The following NUBPL variants were observed in gnomAD, a reference collection of about 807,000 sequenced individuals.
NUBPL encodes iron-sulfur cluster transfer protein NUBPL.
NUBPL carries 31 observed loss-of-function variants against 45.7 expected under a neutral mutation model. That is an observed-to-expected ratio of 0.68 (90% CI 0.51 to 0.92). The LOEUF is 0.92. Ranked by LOEUF, NUBPL falls within the 40% of genes least tolerant of loss-of-function variation. The probability of loss-of-function intolerance (pLI) is 0.00; values close to 1 mark genes in which losing one functional copy is unlikely to be tolerated. For missense variants in NUBPL, 401 were observed against 398.7 expected, an observed-to-expected ratio of 1.01 and a Z score of -0.05; for synonymous variants, 144 against 140.9, an observed-to-expected ratio of 1.02 and a Z score of -0.15.
At chr14:31,702,216 G>A (rs761670226) in intron 6 of NUBPL, among the ~76,000 whole-genome samples, 2 of 152,208 alleles carry the variant, frequency 1.3e-5, no homozygotes, top group Admixed American at 6.5e-5. Context: ...CTCAGAATCA[G>A]TCTGTTAGTC....
intron 10 of NUBPL, among the ~76,000 whole-genome samples, chr14:31,853,856 C>T (rs1388192097): frequency 6.6e-6 from 1 of 152,108 alleles, no homozygotes; most frequent in Non-Finnish European, 1.5e-5. Context: ...CCCCTAAATT[C>T]AATAGCATCC....
intron 8 of NUBPL, among the ~76,000 whole-genome samples, chr14:31,828,310 G>A (rs150665165): frequency 3.2e-4 from 48 of 152,112 alleles, no homozygotes; most frequent in African/African-American, 1.1e-3. Context: ...CTTGTTATAG[G>A]GGATTTTAAA....
intron 6 of NUBPL, among the ~76,000 whole-genome samples, chr14:31,685,969 G>C (rs1405471978): frequency 2.0e-5 from 3 of 152,086 alleles, no homozygotes; most frequent in Non-Finnish European, 4.4e-5. Flanking sequence ...TATTCCAGGT[G>C]ACTCTAATGC....
At chr14:31,791,538 A>AT (rs1235326820) in intron 7 of NUBPL, among the ~76,000 whole-genome samples, 1 of 152,088 alleles carries the variant, frequency 6.6e-6, no homozygotes, top group Non-Finnish European at 1.5e-5. Context: ...AGAAACACTA[A>AT]TTTTGTATAT....
intron 6 of NUBPL, among the ~76,000 whole-genome samples, chr14:31,699,545 C>G (rs986131426): frequency 6.6e-6 from 1 of 152,156 alleles, no homozygotes; most frequent in Non-Finnish European, 1.5e-5. Flanking sequence ...TCTCTTGGCT[C>G]AGCTTTTAAC....
intron 4 of NUBPL, among the ~76,000 whole-genome samples, chr14:31,622,209 G>A (rs987105868): frequency 1.3e-5 from 2 of 152,194 alleles, no homozygotes; most frequent in Non-Finnish European, 2.9e-5. Context: ...TCTCTAAGCA[G>A]CAAAGCATTC....
intron 8 of NUBPL, among the ~76,000 whole-genome samples, chr14:31,829,550 T>C (rs957395693): frequency 1.3e-5 from 2 of 152,168 alleles, no homozygotes; most frequent in Non-Finnish European, 2.9e-5. Flanking sequence ...GCCAAAGTAA[T>C]AGTAAAGGAT....
chr14:31,579,233 G>T lies in NUBPL; in HGVS notation c.291+14185G>T, dbSNP rs570446268. ...CTAGTTGTCCTTTGGGCTATTTGGG[G>T]TGGCTTAAATAAAGGATGACCAATG... On this transcript the variant is annotated intron_variant, in intron 3 of 10. Coordinates refer to ENST00000281081, the MANE Select transcript of NUBPL (RefSeq NM_025152.3). 2.6e-5 allele frequency among the ~76,000 whole-genome samples: 4 copies of T among 152,298 alleles called. No homozygotes were observed. In the South Asian group the frequency reaches 8.3e-4, roughly 32 times the overall value.
At chr14:31,663,155 T>G (rs1473499307) in intron 4 of NUBPL, among the ~76,000 whole-genome samples, 1 of 152,212 alleles carries the variant, frequency 6.6e-6, no homozygotes, top group Non-Finnish European at 1.5e-5. Flanking sequence ...GTCAGATGGA[T>G]AGATTGCAAA....
intron 6 of NUBPL, among the ~76,000 whole-genome samples, chr14:31,745,200 G>A (rs1287356611): frequency 2.0e-5 from 3 of 151,586 alleles, no homozygotes; most frequent in East Asian, 3.9e-4. Context: ...ATCCCTCCCC[G>A]CTCTCCCCAC....
At chr14:31,734,288 C>G (rs1418403743) in intron 6 of NUBPL, among the ~76,000 whole-genome samples, 47 of 152,174 alleles carry the variant, frequency 3.1e-4, no homozygotes, top group Admixed American at 3.1e-3. Flanking sequence ...ATGAGCACTT[C>G]TGTCTCTTGT....
intron 10 of NUBPL, among the ~76,000 whole-genome samples, chr14:31,855,544 A>G (rs1196591149): frequency 6.6e-6 from 1 of 152,150 alleles, no homozygotes; most frequent in Non-Finnish European, 1.5e-5. Flanking sequence ...TTACGTGTCT[A>G]AGTGAGATTA....
intron 6 of NUBPL, among the ~76,000 whole-genome samples, chr14:31,775,578 A>G (rs1007467666): frequency 2.0e-5 from 3 of 152,150 alleles, no homozygotes; most frequent in African/African-American, 7.2e-5. Flanking sequence ...TCTGTACCTC[A>G]TCCTACCCTT....
chr14:31,581,658 G>C (rs1345339653), intron 3 of NUBPL, among the ~76,000 whole-genome samples: 2 of 152,124 alleles, frequency 1.3e-5, no homozygotes, highest in Non-Finnish European at 2.9e-5. Context: ...GAGAGGTTAG[G>C]GGTTAAAAAT....
chr14:31,826,108 G>A (rs2040098986), intron 7 of NUBPL, among the ~76,000 whole-genome samples: 1 of 151,928 alleles, frequency 6.6e-6, no homozygotes, highest in African/African-American at 2.4e-5. Context: ...TTAGTCAGTT[G>A]CGATTTTTAT....
intron 8 of NUBPL, among the ~76,000 whole-genome samples, chr14:31,830,518 G>A (rs1249977759): frequency 1.3e-5 from 2 of 152,030 alleles, no homozygotes; most frequent in Non-Finnish European, 2.9e-5. Flanking sequence ...CCAATTTAGG[G>A]AACTCATGTA....
chr14:31,825,597 C>T (rs1052273359), intron 7 of NUBPL, among the ~76,000 whole-genome samples: 2 of 151,410 alleles, frequency 1.3e-5, no homozygotes, highest in East Asian at 1.9e-4. Context: ...TCCTTCTCCT[C>T]CTCCTCATCT....
chr14:31,602,574 A>G (rs923711911), intron 4 of NUBPL, among the ~76,000 whole-genome samples: 4 of 152,130 alleles, frequency 2.6e-5, no homozygotes, highest in Non-Finnish European at 4.4e-5. Context: ...TTTGATTCTC[A>G]GCCCCATCCA....
chr14:31,645,596 T>A (rs1466429734), intron 4 of NUBPL, among the ~76,000 whole-genome samples: 1 of 152,210 alleles, frequency 6.6e-6, no homozygotes, highest in African/African-American at 2.4e-5. Flanking sequence ...TCTGGTAGTA[T>A]GTTTTAATTT....
Sources: allele counts gnomAD v4.1 joint callset (sites outside exome capture counted in the v4.1 genomes callset), GRCh38; gene constraint gnomAD v4.1.1; transcripts MANE v1.5; gene names NCBI Gene and HGNC (gene_info 2026-07-23, HGNC 2026-07-21).